The following ARID1B variants were observed in gnomAD, a reference collection of about 807,000 sequenced individuals.
ARID1B encodes the protein AT-rich interactive domain-containing protein 1B.
Under a neutral mutation model 212.3 loss-of-function variants are expected in ARID1B, and 30 were observed. That is an observed-to-expected ratio of 0.14 (90% CI 0.11 to 0.19). ARID1B has a LOEUF of 0.19. Ranked by LOEUF, ARID1B falls within the 10% of genes least tolerant of loss-of-function variation. The pLI, the probability that ARID1B is intolerant of heterozygous loss-of-function variation, is 1.00. For synonymous variants in ARID1B, 1,402 were observed against 1,301.7 expected, an observed-to-expected ratio of 1.08 and a Z score of -1.66; for missense variants, 2,891 against 3,204.0, an observed-to-expected ratio of 0.90 and a Z score of 2.36.
At chr6:156,947,932 C>T (rs1793282842) in intron 4 of ARID1B, among the ~76,000 whole-genome samples, 1 of 151,776 alleles carries the variant, frequency 6.6e-6, no homozygotes, top group Admixed American at 6.6e-5. Flanking sequence ...CTGTAATTTC[C>T]AGCTACGAAA....
chr6:156,965,956 C>G (rs1002278027), intron 4 of ARID1B, among the ~76,000 whole-genome samples: 7 of 152,126 alleles, frequency 4.6e-5, no homozygotes, highest in Non-Finnish European at 8.8e-5. Flanking sequence ...TATTTACATA[C>G]CTGCTTTGCT....
In ARID1B at chr6:157,072,597, A is replaced by G. The variant is rs1021504990; in HGVS notation, c.2248-12065A>G. The G allele has an allele frequency of 7.2e-5, 11 of 152,254 alleles. No individual in the cohort carries two copies. The South Asian group carries it at 2.3e-3, about 32-fold the overall frequency. 9.4% of individuals were successfully genotyped at this position (152,254 alleles called of 1,614,324 possible). On this transcript the variant is annotated intron_variant, in intron 4 of 19. Transcript: ENST00000636930. ...ATGACATACATTTTTAATAATTTCT[A>G]TATACTTTTAAATTGCTCGCTACTA...
intron 13 of ARID1B, chr6:157,186,452 G>A: frequency 2.1e-6 from 1 of 471,082 alleles, no homozygotes; most frequent in Non-Finnish European, 4.4e-6. Flanking sequence ...GGGGCTCCAG[G>A]CACACACAGG....
intron 1 of ARID1B, among the ~76,000 whole-genome samples, chr6:156,802,014 G>A (rs904818583): frequency 4.6e-5 from 7 of 152,224 alleles, no homozygotes; most frequent in Non-Finnish European, 7.3e-5. Context: ...AATTATTGCA[G>A]TACTGAATGT....
intron 2 of ARID1B, among the ~76,000 whole-genome samples, chr6:156,860,605 A>G: frequency 6.6e-6 from 1 of 152,200 alleles, no homozygotes; most frequent in East Asian, 1.9e-4. Flanking sequence ...AGCTGGAGAC[A>G]ATAGCTGACT....
chr6:157,173,785 C>G, intron 9 of ARID1B: 1 of 456,804 alleles, frequency 2.2e-6, no homozygotes, highest in East Asian at 3.5e-5. Flanking sequence ...CTTAAGCACA[C>G]AGAATGACTG....
At chr6:156,885,286 G>A (rs1787415018) in intron 2 of ARID1B, among the ~76,000 whole-genome samples, 1 of 152,184 alleles carries the variant, frequency 6.6e-6, no homozygotes, top group African/African-American at 2.4e-5. Context: ...AATTTCAGAG[G>A]TGCTTAGAAT....
chr6:156,926,791 C>T (rs911240354), intron 3 of ARID1B, among the ~76,000 whole-genome samples: 2 of 152,182 alleles, frequency 1.3e-5, no homozygotes, highest in African/African-American at 4.8e-5. Flanking sequence ...AAGTGATTCT[C>T]CTGCCTCAGC....
intron 6 of ARID1B, among the ~76,000 whole-genome samples, chr6:157,123,240 C>T (rs1583347737): frequency 1.6e-4 from 1 of 6,068 alleles, no homozygotes; most frequent in Admixed American, 1.3e-3. Context: ...CGCCCCCCGC[C>T]CCCCCCCCAC....
rs1040713474 is a variant in ARID1B, at chr6:156,879,034, C to T, written c.1987-22342C>T. 2.6e-5 allele frequency among the ~76,000 whole-genome samples: 4 copies of T among 152,280 alleles called. No homozygotes were observed. In the South Asian group the frequency reaches 6.2e-4, roughly 24 times the overall value. On this transcript the variant is annotated intron_variant, in intron 2 of 19. Transcript: ENST00000636930. ...AGGTAGGACAGTTAGCTGTTGAGGG[C>T]GGAACTACAGCTTCTGACTCCAGTG...
intron 4 of ARID1B, among the ~76,000 whole-genome samples, chr6:156,979,073 G>A (rs539430328): frequency 5.9e-5 from 9 of 152,282 alleles, no homozygotes; most frequent in African/African-American, 2.2e-4. Context: ...TCCTGAAAGC[G>A]CTAGTAGTGC....
In ARID1B at chr6:157,167,251, A is replaced by G. The variant is rs1348240874; in HGVS notation, c.3235+66A>G. On this transcript the variant is annotated intron_variant, in intron 9 of 19. Transcript: ENST00000636930. The stretch of plus-strand genomic sequence containing the variant: ...CCCTCTCCTCCTCTTAGGCTCCACC[A>G]GTGAATCTGCCTAAACGGCCCGAGA... 4 of 1,538,340 alleles carry G rather than the reference A, an allele frequency of 2.6e-6. No individual in the cohort carries two copies. The African/African-American group carries it at 5.5e-5, about 21-fold the overall frequency.
At chr6:157,188,849 AC>A (rs1793162154) in intron 13 of ARID1B, among the ~76,000 whole-genome samples, 1 of 152,220 alleles carries the variant, frequency 6.6e-6, no homozygotes, top group Non-Finnish European at 1.5e-5. Context: ...TGCAAATGTT[AC>A]GTTTTTCCCT....
At chr6:157,073,761 G>A (rs1784129912) in intron 4 of ARID1B, among the ~76,000 whole-genome samples, 1 of 152,202 alleles carries the variant, frequency 6.6e-6, no homozygotes, top group Admixed American at 6.5e-5. Context: ...AATTCCTGCT[G>A]GAGGAGTTAG....
chr6:157,147,216 CTCCGTCCCTCACCTCCGACCCTGCCG>C (rs1439303947), intron 7 of ARID1B, among the ~76,000 whole-genome samples: 37 of 2,660 alleles, frequency 0.014, 6 homozygotes, highest in East Asian at 0.11. Flanking sequence ...CGGCCCTGCC[CTCCGTCCCTCACCTCCGACCCTGCCG>C]TCCGTCCCCC....
chr6:157,023,185 C>T (rs1474355599), intron 4 of ARID1B: 3 of 152,150 alleles, frequency 2.0e-5, no homozygotes, highest in African/African-American at 4.8e-5. Flanking sequence ...CTAGGATATA[C>T]TCTTGTATTC....
intron 2 of ARID1B, among the ~76,000 whole-genome samples, chr6:156,886,087 A>G (rs559499189): frequency 6.6e-6 from 1 of 152,342 alleles, no homozygotes; most frequent in East Asian, 1.9e-4. Context: ...AGTTTGAAAA[A>G]GCTTGAAATC....
At chr6:156,944,703 G>A (rs967860076) in intron 4 of ARID1B, among the ~76,000 whole-genome samples, 1 of 152,150 alleles carries the variant, frequency 6.6e-6, no homozygotes, top group African/African-American at 2.4e-5. Flanking sequence ...TGTATCTGAG[G>A]CCTCCCTTCA....
chr6:156,940,563 T>C (rs1285934561), intron 4 of ARID1B: 1 of 152,244 alleles, frequency 6.6e-6, no homozygotes, highest in Non-Finnish European at 1.5e-5. Flanking sequence ...GGAAAACTTT[T>C]ATTACCAAGA....
Sources: gnomAD v4.1 joint callset for allele counts (sites outside exome capture counted in the v4.1 genomes callset) on GRCh38, gnomAD v4.1.1 for gene constraint, MANE v1.5 for transcripts, NCBI Gene and HGNC (gene_info 2026-07-23, HGNC 2026-07-21) for gene names.